The following PTPN2 variants were observed in gnomAD, a reference collection of about 807,000 sequenced individuals.
PTPN2 encodes the protein tyrosine-protein phosphatase non-receptor type 2.
A neutral mutation model predicts 57.3 loss-of-function variants in PTPN2; 19 were observed. The observed-to-expected ratio is 0.33, with a 90% CI of 0.23 to 0.49. The LOEUF is 0.49. PTPN2 is among the 20% of genes least tolerant of loss of function. The pLI is 0.99. For synonymous variants in PTPN2, 153 were observed against 164.9 expected (o/e 0.93, Z 0.55); for missense variants, 358 against 501.1 (o/e 0.71, Z 2.73).
chr18:12,827,909 T>G (rs2042536106), intron 4 of PTPN2, among the ~76,000 whole-genome samples: 1 of 152,120 alleles, frequency 6.6e-6, no homozygotes, highest in Non-Finnish European at 1.5e-5. Flanking sequence ...TAAAAAGTAC[T>G]TGAAGTCAAA....
rs1179271170 is a variant in PTPN2 at position 12,793,349 on chromosome 18, ATGC to A, written c.*926_*928del. The A allele has an allele frequency of 3.1e-6, 3 of 976,868 alleles. No individual in the cohort carries two copies. Among genetic ancestry groups the A allele is most frequent in the Non-Finnish European group, 3.7e-6 (3 of 821,768 alleles). The allele number at this position is 976,868 out of a possible 1,614,324, so 60.5% of individuals were successfully genotyped here. A position where few individuals can be genotyped will look rare whatever the true frequency, so the allele number is the denominator to read the frequency against. ...GTAAACTGAAATTATGAATCATAAAATGCTGCTTCTTACTTTTGCTTCCTAAAT... is the reference window on the plus strand; with the variant it reads ...GTAAACTGAAATTATGAATCATAAAATGCTTCTTACTTTTGCTTCCTAAAT... On this transcript the variant is annotated 3_prime_UTR_variant, in exon 9 of 9. Transcript: ENST00000309660.
rs1223931014 is a variant in PTPN2, at chr18:12,878,372, AAAAG to A, written c.69+5697_69+5700del. On this transcript the variant is annotated intron_variant, in intron 1 of 8. Transcript: ENST00000309660. Reference sequence around the variant, plus strand: ...GAAAGAAAAAGGAAAAAAAGAAAGAAAAAGAAAAATGTGGCTGGGCGTGGTGGCT... The same window carrying A: ...GAAAGAAAAAGGAAAAAAAGAAAGAAAAAAATGTGGCTGGGCGTGGTGGCT... Among the ~76,000 whole-genome samples, 5 of 152,030 alleles carry A rather than the reference AAAAG, an allele frequency of 3.3e-5. No homozygotes were observed. In the East Asian group the frequency reaches 7.7e-4, roughly 24 times the overall value.
chr18:12,867,951 G>A (rs889456025), intron 1 of PTPN2, among the ~76,000 whole-genome samples: 13 of 152,130 alleles, frequency 8.5e-5, no homozygotes, highest in Admixed American at 6.5e-4. Flanking sequence ...TGAATTTTTC[G>A]TTTGTCTAAC....
At chr18:12,881,888 T>C (rs1025765810) in intron 1 of PTPN2, among the ~76,000 whole-genome samples, 3 of 152,240 alleles carry the variant, frequency 2.0e-5, no homozygotes, top group African/African-American at 7.2e-5. Flanking sequence ...CTGGGACTCC[T>C]GTCTTTTAAC....
At chr18:12,810,106 C>T (rs1230578207) in intron 7 of PTPN2, among the ~76,000 whole-genome samples, 5 of 152,014 alleles carry the variant, frequency 3.3e-5, no homozygotes, top group African/African-American at 4.8e-5. Flanking sequence ...TGCTTGAACC[C>T]GGGAGGCCGA....
intron 2 of PTPN2, among the ~76,000 whole-genome samples, chr18:12,852,376 C>T (rs551916702): frequency 1.4e-4 from 21 of 152,292 alleles, no homozygotes; most frequent in African/African-American, 4.3e-4. Flanking sequence ...AGTATAAAGA[C>T]GTTTCCCAAA....
chr18:12,852,499 T>C (rs1299556554), intron 2 of PTPN2, among the ~76,000 whole-genome samples: 3 of 152,224 alleles, frequency 2.0e-5, no homozygotes, highest in African/African-American at 4.8e-5. Flanking sequence ...TAGCAGATTA[T>C]GGACCTCTTC....
rs117712649 is a variant in PTPN2 at position 12,876,095 on chromosome 18, C to A, written c.69+7978G>T. On this transcript the variant is annotated intron_variant, in intron 1 of 8. Coordinates refer to ENST00000309660, the MANE Select transcript of PTPN2 (RefSeq NM_002828.4). ...GGTGGCGTGCATCTGTGCAGTGAGC[C>A]GTGATCTCATCACTGCACTCCAGTC... Among the ~76,000 whole-genome samples the A allele has an allele frequency of 6.6e-5, 10 of 152,010 alleles. No homozygotes were observed. The East Asian group carries it at 1.5e-3, about 24-fold the overall frequency.
chr18:12,823,688 C>T (rs1323258781), intron 5 of PTPN2, among the ~76,000 whole-genome samples: 1 of 151,844 alleles, frequency 6.6e-6, no homozygotes, highest in Non-Finnish European at 1.5e-5. Flanking sequence ...AAATAGGGGA[C>T]CAGGAGAACT....
intron 2 of PTPN2, among the ~76,000 whole-genome samples, chr18:12,853,622 G>A (rs1170650542): frequency 6.6e-6 from 1 of 152,178 alleles, no homozygotes; most frequent in East Asian, 1.9e-4. Context: ...TTTGCAGAAG[G>A]AGAACTTTGA....
At chr18:12,820,255 GT>G (rs11302687) in intron 5 of PTPN2, among the ~76,000 whole-genome samples, 11,608 of 151,738 alleles carry the variant, frequency 0.077, 700 homozygotes, top group African/African-American at 0.16. Flanking sequence ...ATCAGTTGTT[GT>G]TTTTTTTCCC....
chr18:12,810,159 G>A (rs1198088949), intron 7 of PTPN2, among the ~76,000 whole-genome samples: 4 of 152,136 alleles, frequency 2.6e-5, no homozygotes, highest in African/African-American at 9.7e-5. Flanking sequence ...TCTAGCCTGG[G>A]TGAAAGATGA....
intron 2 of PTPN2, among the ~76,000 whole-genome samples, chr18:12,852,056 A>G (rs1047792383): frequency 2.0e-5 from 3 of 152,152 alleles, no homozygotes; most frequent in Non-Finnish European, 4.4e-5. Flanking sequence ...AGAGGAAGAT[A>G]GGGAGTTTTT....
chr18:12,847,873 A>C (rs2043266122), intron 2 of PTPN2, among the ~76,000 whole-genome samples: 1 of 151,600 alleles, frequency 6.6e-6, no homozygotes. Context: ...TGCTGGGATT[A>C]CAGGCATAAG....
At chr18:12,799,932 C>G (rs1390560807) in intron 8 of PTPN2, among the ~76,000 whole-genome samples, 2 of 152,084 alleles carry the variant, frequency 1.3e-5, no homozygotes, top group Non-Finnish European at 2.9e-5. Context: ...CGCCCGGCCT[C>G]CTCTTTTTCA....
At chr18:12,840,212 C>G (rs969176120) in intron 2 of PTPN2, among the ~76,000 whole-genome samples, 1 of 152,146 alleles carries the variant, frequency 6.6e-6, no homozygotes, top group African/African-American at 2.4e-5. Flanking sequence ...GTAATCAGTA[C>G]GTTTTCAAAC....
At chr18:12,875,609 A>C (rs1045005289) in intron 1 of PTPN2, among the ~76,000 whole-genome samples, 1 of 152,266 alleles carries the variant, frequency 6.6e-6, no homozygotes, top group African/African-American at 2.4e-5. Flanking sequence ...CATTAAGTTA[A>C]GGAATAGAGA....
intron 8 of PTPN2, among the ~76,000 whole-genome samples, chr18:12,801,085 C>G (rs2145245936): frequency 6.6e-6 from 1 of 152,270 alleles, no homozygotes; most frequent in African/African-American, 2.4e-5. Flanking sequence ...TTTTAGCACC[C>G]AATTATATTA....
chr18:12,838,000 T>C (rs1213024950), intron 2 of PTPN2, among the ~76,000 whole-genome samples: 1 of 152,108 alleles, frequency 6.6e-6, no homozygotes, highest in African/African-American at 2.4e-5. Context: ...TTTTTAAAAA[T>C]CACTTTTTTA....
Sources: gnomAD v4.1 joint callset for allele counts (sites outside exome capture counted in the v4.1 genomes callset) on GRCh38, gnomAD v4.1.1 for gene constraint, MANE v1.5 for transcripts, NCBI Gene and HGNC (gene_info 2026-07-23, HGNC 2026-07-21) for gene names.